ZNF75D: variants seen among roughly 807,000 people sequenced by gnomAD.
ZNF75D encodes zinc finger protein 75.
In ZNF75D, 33 loss-of-function variants were observed where a neutral mutation model predicts 33.3. The ratio of observed to expected loss-of-function variants is 0.99; its 90% CI spans 0.75 to 1.32. ZNF75D has a LOEUF of 1.32. Among genes scored for constraint, ZNF75D ranks in the 40% most tolerant of loss-of-function variants. The probability of loss-of-function intolerance (pLI) is 0.00; values close to 1 mark genes in which losing one functional copy is unlikely to be tolerated. For missense variants in ZNF75D, 338 were observed against 367.5 expected, an observed-to-expected ratio of 0.92 and a Z score of 0.66; for synonymous variants, 113 against 130.6, an observed-to-expected ratio of 0.87 and a Z score of 0.92.
chrX:135,291,978 C>T (rs140785440), intron 4 of ZNF75D, among the ~76,000 whole-genome samples: 332 of 111,910 alleles, frequency 3.0e-3, no homozygotes, highest in Non-Finnish European at 5.3e-3. Context: ...ATGTCTGTCC[C>T]CAATTTTTCC....
rs1175790981 is a variant in ZNF75D, at chrX:135,320,248, G to A, written c.-391+21520C>T. ...GCAGAAGTTGCAGTGAGCCAAGATC[G>A]TGCCACTTCACTCCAGCCTGGGCAA... On this transcript the variant is annotated intron_variant, in intron 1 of 6. Transcript: ENST00000370766. 5.6e-5 allele frequency among the ~76,000 whole-genome samples: 6 copies of A among 107,306 alleles called. No individual in the cohort carries two copies. In the South Asian group the frequency reaches 1.3e-3, roughly 23 times the overall value. 93.2% of individuals were successfully genotyped at this position (107,306 alleles called of 115,157 possible).
Position 135,269,829 on chromosome X carries a change from T to C in ZNF75D, n.828-14052A>G, listed in dbSNP as rs782604322. On this transcript the variant is annotated intron_variant and non_coding_transcript_variant, in intron 1 of 3. Coordinates refer to the ZNF75D transcript ENST00000494295. ...GCCGCACTGGTCACAATAACTAAGATTTGGAAGCAACCTAAGTGTCCATCA... is the reference window on the plus strand; with the variant it reads ...GCCGCACTGGTCACAATAACTAAGACTTGGAAGCAACCTAAGTGTCCATCA... 9.8e-5 allele frequency among the ~76,000 whole-genome samples: 11 copies of C among 111,721 alleles called. No homozygotes were observed. In the East Asian group the frequency reaches 3.1e-3, roughly 31 times the overall value.
chrX:135,313,584 T>C (rs1193777995), intron 1 of ZNF75D, among the ~76,000 whole-genome samples: 1 of 112,082 alleles, frequency 8.9e-6, no homozygotes, highest in East Asian at 2.8e-4. Flanking sequence ...ATGGTTATTT[T>C]AACAATACAA....
chrX:135,279,676 G>A (rs2083912978), intron 1 of ZNF75D, among the ~76,000 whole-genome samples: 1 of 111,511 alleles, frequency 9.0e-6, no homozygotes, highest in African/African-American at 3.3e-5. Flanking sequence ...CAGAGATTCT[G>A]GTACATTGTA....
Position 135,265,831 on chromosome X carries a change from T to C in ZNF75D, n.828-10054A>G, listed in dbSNP as rs141941507. 1.6e-3 allele frequency among the ~76,000 whole-genome samples: 174 copies of C among 111,945 alleles called. 1 individual carries two copies. The highest frequency in any genetic ancestry group is 5.4e-3 in the African/African-American group (168 of 30,862). ...AACATAGACTACTATAGCACCGTAA[T>C]TGTGTTATGTAAACTACAGTTGACA... On this transcript the variant is annotated intron_variant and non_coding_transcript_variant, in intron 1 of 3. Coordinates refer to the ZNF75D transcript ENST00000494295.
chrX:135,280,301 G>A (rs1267553795), intron 1 of ZNF75D, among the ~76,000 whole-genome samples: 1 of 111,627 alleles, frequency 9.0e-6, no homozygotes, highest in Admixed American at 9.5e-5. Flanking sequence ...GACTAGGATT[G>A]CAACCCTTTC....
chrX:135,300,328 T>C (rs2148476473), intron 1 of ZNF75D, among the ~76,000 whole-genome samples: 1 of 111,994 alleles, frequency 8.9e-6, no homozygotes, highest in South Asian at 3.7e-4. Context: ...CTGCACTTTT[T>C]TCCAGGCATA....
At chrX:135,304,816 G>A (rs1296437160) in intron 1 of ZNF75D, among the ~76,000 whole-genome samples, 2 of 112,787 alleles carry the variant, frequency 1.8e-5, no homozygotes, top group Non-Finnish European at 3.7e-5. Context: ...TTAAGGAATA[G>A]ACAGTGCCAA....
rs782550258 is a variant in ZNF75D, at chrX:135,342,360, T to C, written c.-983A>G. 1 of 112,105 alleles carries C rather than the reference T, an allele frequency of 8.9e-6. No individual in the cohort carries two copies. The highest frequency in any genetic ancestry group is 3.7e-4 in the South Asian group (1 of 2,682). 9.2% of individuals were successfully genotyped at this position (112,105 alleles called of 1,213,427 possible). A position where few individuals can be genotyped will look rare whatever the true frequency, so the allele number is the denominator to read the frequency against. On this transcript the variant is annotated 5_prime_UTR_variant, in exon 1 of 7. Coordinates refer to ENST00000370766, the MANE Select transcript of ZNF75D (RefSeq NM_007131.5). ...CACTTATCATCATGACAGGGCTCGA[T>C]AGAAAAGAAAAATTATGACAGGAAT...
Position 135,342,137 on chromosome X carries a change from C to T in ZNF75D, c.-760G>A, listed in dbSNP as rs782732798. 8.9e-6 allele frequency: 1 copy of T among 112,202 alleles called. No homozygotes were observed. Among genetic ancestry groups the T allele is most frequent in the Non-Finnish European group, 1.9e-5 (1 of 53,240 alleles). 9.2% of individuals were successfully genotyped at this position (112,202 alleles called of 1,213,427 possible). On this transcript the variant is annotated 5_prime_UTR_variant, in exon 1 of 7. It removes an upstream start codon present in the reference 5' UTR. Coordinates refer to ENST00000370766, the MANE Select transcript of ZNF75D (RefSeq NM_007131.5). ...ACACACTAGTCTGTTACACTGATGA[C>T]ATGCTAATTAGACCTAGTGAACAAG...
intron 1 of ZNF75D, among the ~76,000 whole-genome samples, chrX:135,303,851 T>A (rs1273111624): frequency 3.6e-5 from 4 of 112,582 alleles, no homozygotes; most frequent in African/African-American, 1.3e-4. Flanking sequence ...TCTAAGCCCC[T>A]ATAGCCTGCA....
At chrX:135,284,349 T>G (rs1457951074), downstream of ZNF75D, among the ~76,000 whole-genome samples, 2 of 111,676 alleles carry the variant, frequency 1.8e-5, no homozygotes, top group Non-Finnish European at 3.8e-5. Context: ...ACTTCCCATA[T>G]CTCCATGGAC....
chrX:135,291,681 T>C, intron 4 of ZNF75D, 118 bp from the exon 5 acceptor site: 1 of 1,009,056 alleles, frequency 9.9e-7, no homozygotes, highest in Admixed American at 3.0e-5. Context: ...CATTGACAAG[T>C]GTGTGTGTGG....
At chrX:135,320,470 TA>T (rs2084482181) in intron 1 of ZNF75D, among the ~76,000 whole-genome samples, 1 of 111,692 alleles carries the variant, frequency 9.0e-6, no homozygotes, top group Non-Finnish European at 1.9e-5. Context: ...TGTTAAAATG[TA>T]AAAAAGTAAG....
intron 1 of ZNF75D, among the ~76,000 whole-genome samples, chrX:135,323,989 G>GCACACACACACA (rs34146473): frequency 2.0e-5 from 2 of 97,615 alleles, no homozygotes; most frequent in South Asian, 4.9e-4. Flanking sequence ...ACTTGTTGCA[G>GCACACACACACA]CACACACACA....
intron 1 of ZNF75D, among the ~76,000 whole-genome samples, chrX:135,264,103 T>C (rs1178260619): frequency 1.8e-5 from 2 of 111,819 alleles, no homozygotes; most frequent in Admixed American, 9.5e-5. Context: ...AGAGGATTAA[T>C]TGACTCACAG....
At chrX:135,332,939 A>C (rs2084668211) in intron 1 of ZNF75D, among the ~76,000 whole-genome samples, 1 of 112,011 alleles carries the variant, frequency 8.9e-6, no homozygotes, top group Non-Finnish European at 1.9e-5. Flanking sequence ...GAGGTTGTAT[A>C]GTATGCTAAG....
chrX:135,264,576 A>G (rs1374055703), intron 1 of ZNF75D, among the ~76,000 whole-genome samples: 11 of 112,117 alleles, frequency 9.8e-5, no homozygotes, highest in African/African-American at 3.6e-4. Context: ...TGAGAAACAG[A>G]GATATGTGGC....
At chrX:135,269,588 A>G (rs970492491) in intron 1 of ZNF75D, among the ~76,000 whole-genome samples, 6 of 112,020 alleles carry the variant, frequency 5.4e-5, no homozygotes, top group Non-Finnish European at 1.1e-4. Context: ...TCCAGAAGTG[A>G]GGCAATAACA....
Sources: gnomAD v4.1 joint callset for allele counts (sites outside exome capture counted in the v4.1 genomes callset) on GRCh38, gnomAD v4.1.1 for gene constraint, MANE v1.5 for transcripts, NCBI Gene and HGNC (gene_info 2026-07-23, HGNC 2026-07-21) for gene names.